CFAP74: variants seen among roughly 807,000 people sequenced by gnomAD.
CFAP74 encodes the protein cilia and flagella associated protein 74.
CFAP74 carries 124 observed loss-of-function variants against 188.9 expected under a neutral mutation model. The ratio of observed to expected loss-of-function variants is 0.66; its 90% CI spans 0.57 to 0.76. The LOEUF (loss-of-function observed/expected upper bound fraction) is 0.76, where lower values mean the gene tolerates loss of function less well. Among genes scored for constraint, CFAP74 ranks in the 30% least tolerant of loss-of-function variants. The pLI, the probability that CFAP74 is intolerant of heterozygous loss-of-function variation, is 0.00. For synonymous variants in CFAP74, 956 were observed against 916.7 expected (o/e 1.04, Z -0.77); for missense variants, 2,198 against 2,165.2 (o/e 1.02, Z -0.30).
chr1:1,989,617 T>C (rs1472875069), intron 2 of CFAP74, among the ~76,000 whole-genome samples: 1 of 152,186 alleles, frequency 6.6e-6, no homozygotes, highest in African/African-American at 2.4e-5. Context: ...TGTCCTACCA[T>C]GCCCAGCTAA....
intron 32 of CFAP74, 21 bp from the exon 33 acceptor site, chr1:1,925,959 A>G: frequency 1.3e-6 from 2 of 1,574,914 alleles, no homozygotes; most frequent in South Asian, 2.3e-5. Context: ...CACATCGCTC[A>G]GCCAGGAACC....
In CFAP74 at chr1:1,966,515, A is replaced by C. The variant is rs765648888; in HGVS notation, c.1257T>G (p.Ala419=). The change falls in exon 12 of 39, where the codon GCT becomes GCG. Residue 419 remains alanine, a synonymous_variant. Coordinates refer to ENST00000682832, the MANE Select transcript of CFAP74 (RefSeq NM_001304360.2). ...PTNTYTLDYE[A]AAGPGPSRLL... is the part of the protein sequence containing the mutation. ...ACCGAGAGGGCCCGGGGCCTGCAGC[A>C]GCCTCGTAGTCCTGCAGTCGGGGAG... The C allele has an allele frequency of 5.7e-6, 9 of 1,571,014 alleles. No individual in the cohort carries two copies. The highest frequency in any genetic ancestry group is 7.8e-6 in the Non-Finnish European group (9 of 1,155,238).
At chr1:1,979,467 A>C (rs1163865141) in intron 6 of CFAP74, among the ~76,000 whole-genome samples, 1 of 133,456 alleles carries the variant, frequency 7.5e-6, no homozygotes, top group Admixed American at 7.3e-5. Context: ...GAAGCTGCAC[A>C]GAACACGCGT....
At chr1:1,987,947 T>A (rs1657346715) in intron 4 of CFAP74, 11 of 356,666 alleles carry the variant, frequency 3.1e-5, no homozygotes, top group South Asian at 2.3e-4. Flanking sequence ...GGGCAAGAAG[T>A]TATGCAGAAG....
At chr1:1,980,493 C>T (rs1361463785) in intron 6 of CFAP74, among the ~76,000 whole-genome samples, 2 of 146,552 alleles carry the variant, frequency 1.4e-5, no homozygotes, top group Non-Finnish European at 3.0e-5. Context: ...TCGCAGTGGG[C>T]GCCTCACAGC....
intron 18 of CFAP74, among the ~76,000 whole-genome samples, chr1:1,949,395 A>G (rs112813232): frequency 1.3e-5 from 2 of 152,014 alleles, no homozygotes; most frequent in African/African-American, 4.8e-5. Flanking sequence ...CCTGACCTCA[A>G]GTGATCCGCT....
chr1:1,955,650 AC>A (rs2102061017), intron 18 of CFAP74, 40 bp downstream of exon 18: 1 of 1,600,226 alleles, frequency 6.2e-7, no homozygotes, highest in Non-Finnish European at 8.5e-7. Flanking sequence ...TGAGGCCCTC[AC>A]CGCCCGCCCA....
intron 6 of CFAP74, among the ~76,000 whole-genome samples, chr1:1,981,000 C>T (rs1372435540): frequency 6.6e-6 from 1 of 152,216 alleles, no homozygotes; most frequent in Non-Finnish European, 1.5e-5. Flanking sequence ...GTTTGGGTCC[C>T]GAAGCAGCGG....
At chr1:1,932,358 C>A (rs1216892695) in intron 25 of CFAP74, among the ~76,000 whole-genome samples, 3 of 150,362 alleles carry the variant, frequency 2.0e-5, no homozygotes, top group Admixed American at 2.0e-4. Flanking sequence ...GATCGCGCCA[C>A]CGCACTCCAG....
intron 25 of CFAP74, among the ~76,000 whole-genome samples, chr1:1,931,743 C>CAAAAAAAAAAAAA: frequency 1.3e-5 from 1 of 77,088 alleles, no homozygotes; most frequent in Non-Finnish European, 2.4e-5. Flanking sequence ...GTCTCTGTCT[C>CAAAAAAAAAAAAA]AAAAAAAAAA....
chr1:1,939,038 A>G, intron 24 of CFAP74, 50 bp from the exon 25 acceptor site: 1 of 1,518,728 alleles, frequency 6.6e-7, no homozygotes, highest in Non-Finnish European at 8.8e-7. Flanking sequence ...GACCATGTGG[A>G]CACACGTGCG....
intron 6 of CFAP74, among the ~76,000 whole-genome samples, chr1:1,981,067 C>T (rs1278594402): frequency 6.6e-6 from 1 of 152,236 alleles, no homozygotes; most frequent in Non-Finnish European, 1.5e-5. Context: ...CCGGGACCGA[C>T]GCTGGAAGCG....
rs755081771 is a variant in CFAP74, at chr1:1,924,457, G to A, written c.4168C>T (p.Arg1390Trp). The A allele has an allele frequency of 1.3e-5, 20 of 1,580,150 alleles. No individual in the cohort carries two copies. The South Asian group carries it at 1.4e-4, about 11-fold the overall frequency. ...SMHLDSLSST[R>W]GRGQQQLPQF... Reference sequence around the variant, plus strand: ...GGCAGCTGCTGCTGGCCCCGGCCCCGGGTGCTGGAGAGGCTGTCCAGGTGC... The same window carrying A: ...GGCAGCTGCTGCTGGCCCCGGCCCCAGGTGCTGGAGAGGCTGTCCAGGTGC... Residue 1390 changes from arginine to tryptophan, a missense_variant, in exon 34 of 39, where the codon CGG becomes TGG. Coordinates refer to ENST00000682832, the MANE Select transcript of CFAP74 (RefSeq NM_001304360.2).
Position 1,987,025 on chromosome 1 carries a change from G to A in CFAP74, c.307C>T (p.Arg103Cys), listed in dbSNP as rs758721857. 25 of 1,596,940 alleles carry A rather than the reference G, an allele frequency of 1.6e-5. No individual in the cohort carries two copies. Among genetic ancestry groups the A allele is most frequent in the African/African-American group, 2.7e-5 (2 of 74,806 alleles). Reference protein sequence around the residue: ...LFTEKMRGELRACRQRRDLID... With the variant: ...LFTEKMRGELCACRQRRDLID... Reference sequence around the variant, plus strand: ...AGGTCCCGCCTCTGCCGACAGGCGCGCAGCTCCCCTCTGGAACAGGGAAAC... The same window carrying A: ...AGGTCCCGCCTCTGCCGACAGGCGCACAGCTCCCCTCTGGAACAGGGAAAC... Residue 103 changes from arginine (R) to cysteine (C), a missense_variant, in exon 5 of 39, where the codon CGC (arginine) becomes TGC (cysteine). By Grantham distance (180) the Arg-to-Cys change is radical. Coordinates refer to ENST00000682832, the MANE Select transcript of CFAP74 (RefSeq NM_001304360.2).
intron 33 of CFAP74, 119 bp downstream of exon 33, chr1:1,925,664 C>A: frequency 8.9e-7 from 1 of 1,122,952 alleles, no homozygotes. Context: ...GAGGGGGCCA[C>A]CTGTGTCCCC....
intron 12 of CFAP74, among the ~76,000 whole-genome samples, chr1:1,965,650 C>T (rs1377293979): frequency 1.3e-5 from 2 of 149,656 alleles, no homozygotes; most frequent in African/African-American, 2.6e-5. Flanking sequence ...TCCCTGGCTT[C>T]CCGGGGTGGG....
chr1:1,956,271 G>A (rs1291865150), intron 17 of CFAP74, among the ~76,000 whole-genome samples: 2 of 152,194 alleles, frequency 1.3e-5, no homozygotes, highest in East Asian at 3.8e-4. Flanking sequence ...GCCATGGAGT[G>A]CACCTGTCCA....
chr1:1,939,047 C>A, intron 24 of CFAP74, 59 bp from the exon 25 acceptor site: 1 of 1,495,998 alleles, frequency 6.7e-7, no homozygotes, highest in Non-Finnish European at 9.0e-7. Context: ...GACACACGTG[C>A]GGCAGGGCCG....
intron 37 of CFAP74, 41 bp from the exon 38 acceptor site, chr1:1,922,764 C>G: frequency 6.3e-7 from 1 of 1,586,990 alleles, no homozygotes; most frequent in Admixed American, 1.7e-5. Context: ...GACCAGGCAC[C>G]GCTCCCAGAA....
Sources: gnomAD v4.1 joint callset for allele counts (sites outside exome capture counted in the v4.1 genomes callset) on GRCh38, gnomAD v4.1.1 for gene constraint, MANE v1.5 for transcripts, NCBI Gene and HGNC (gene_info 2026-07-23, HGNC 2026-07-21) for gene names.